CCNH: variants seen among roughly 807,000 people sequenced by gnomAD.
The protein encoded by CCNH is cyclin H.
In CCNH, 31 loss-of-function variants were observed where a neutral mutation model predicts 41.9. The ratio of observed to expected loss-of-function variants is 0.74; its 90% confidence interval spans 0.56 to 1.00. The LOEUF (loss-of-function observed/expected upper bound fraction) is 1.00. Ranked by LOEUF, CCNH falls within the 50% of genes least tolerant of loss-of-function variation. The probability of loss-of-function intolerance (pLI) is 0.00; values close to 1 mark genes in which losing one functional copy is unlikely to be tolerated. For synonymous variants in CCNH, 138 were observed against 136.1 expected (o/e 1.01, Z -0.10); for missense variants, 362 against 388.4 (o/e 0.93, Z 0.57).
At position 87,341,176 on chromosome 5, in the gene CCNH, A is replaced by AAAAGATTTTTATATAAAAAGATTTTT. The variant is rs1580306706; in HGVS notation, c.*91-22280_*91-22279insAAAAATCTTTTTATATAAAAATCTTT. 9.1e-6 allele frequency: 5 copies of AAAAGATTTTTATATAAAAAGATTTTT among 551,028 alleles called. No individual in the cohort carries two copies. The East Asian group carries it at 1.9e-4, about 21-fold the overall frequency. 34.1% of individuals were successfully genotyped at this position (551,028 alleles called of 1,614,324 possible). The stretch of plus-strand genomic sequence containing the variant: ...GAACAGAAACATCTTTTTTTATATA[A>AAAAGATTTTTATATAAAAAGATTTTT]ACATAAATAAGGATAGTGTGGGGAT... On this transcript the variant is annotated intron_variant and NMD_transcript_variant, in intron 9 of 9. Coordinates refer to the CCNH transcript ENST00000645953.
chr5:87,314,935 C>T (rs935415037), downstream of CCNH, among the ~76,000 whole-genome samples: 3 of 152,124 alleles, frequency 2.0e-5, no homozygotes, highest in South Asian at 2.1e-4. Context: ...AAGTGACACC[C>T]CCATCTTTAA....
rs1163892586 is a variant in CCNH, at chr5:87,366,163, T to C, written c.*90+26607A>G. ...ATTATATGTACAATACAAAAAGATA[T>C]GTGTCTTGACAGTTTATGGATTTAA... On this transcript the variant is annotated intron_variant and NMD_transcript_variant, in intron 9 of 9. Coordinates refer to the CCNH transcript ENST00000645953. Among the ~76,000 whole-genome samples the C allele has an allele frequency of 3.3e-5, 5 of 152,186 alleles. No homozygotes were observed. In the East Asian group the frequency reaches 7.7e-4, roughly 23 times the overall value.
Position 87,345,128 on chromosome 5 carries a change from G to A in CCNH, c.*91-26231C>T, listed in dbSNP as rs368943847. Among the ~76,000 whole-genome samples, 11 of 152,040 alleles carry A rather than the reference G, an allele frequency of 7.2e-5. No individual in the cohort carries two copies. In the East Asian group the frequency reaches 2.1e-3, roughly 30 times the overall value. On this transcript the variant is annotated intron_variant and NMD_transcript_variant, in intron 9 of 9. Coordinates refer to the CCNH transcript ENST00000645953. ...TACTGGGATTACAGGTGTGATCCCA[G>A]TTCCCACGCCTGGCCTAGGAGTAGG...
chr5:87,368,532 T>C (rs1299997971), intron 9 of CCNH, among the ~76,000 whole-genome samples: 2 of 152,176 alleles, frequency 1.3e-5, no homozygotes, highest in Admixed American at 6.6e-5. Context: ...ACTAATGTTA[T>C]TGCGTCCAGA....
At chr5:87,381,181 C>T (rs1761689795), upstream of CCNH, among the ~76,000 whole-genome samples, 1 of 152,166 alleles carries the variant, frequency 6.6e-6, no homozygotes, top group East Asian at 1.9e-4. Flanking sequence ...AAGGTTACTT[C>T]ATTATCATTA....
At position 87,409,629 on chromosome 5, in the gene CCNH, CGTGTGTGT is replaced by C. The variant is rs71610500; in HGVS notation, c.241-274_241-267del. ...CCTATGGTCACTGGATTTAAAAATA[CGTGTGTGT>C]GTGTGTGTGTGTGTGTGTGTGTGTG... On this transcript the variant is annotated intron_variant, in intron 2 of 8. Transcript: ENST00000256897. Among the ~76,000 whole-genome samples, 450 of 146,082 alleles carry C rather than the reference CGTGTGTGT, an allele frequency of 3.1e-3. 1 individual carries two copies. The highest frequency in any genetic ancestry group is 7.0e-3 in the Middle Eastern group (2 of 284).
At chr5:87,389,438 C>T (rs144692925), downstream of CCNH, 4 of 1,614,166 alleles carry the variant, frequency 2.5e-6, no homozygotes, top group Non-Finnish European at 3.4e-6. Context: ...TAGAACGGAC[C>T]TGTCCCGTGA....
chr5:87,390,199 G>C (rs1002178456), downstream of CCNH, among the ~76,000 whole-genome samples: 3 of 152,220 alleles, frequency 2.0e-5, no homozygotes, highest in East Asian at 1.9e-4. Flanking sequence ...AGAACAAAAT[G>C]AGTTACACTT....
downstream of CCNH, chr5:87,374,164 T>C: frequency 6.8e-7 from 1 of 1,472,170 alleles, no homozygotes. Flanking sequence ...TTTTTTTAGG[T>C]CAGCAGCCTT....
chr5:87,326,723 T>G (rs1580268613), intron 9 of CCNH, among the ~76,000 whole-genome samples: 1 of 152,168 alleles, frequency 6.6e-6, no homozygotes, highest in East Asian at 1.9e-4. Context: ...GGGGGCTCTT[T>G]GGGGGTTTCC....
intron 9 of CCNH, among the ~76,000 whole-genome samples, chr5:87,386,331 G>A (rs1475495262): frequency 2.0e-5 from 3 of 152,038 alleles, no homozygotes; most frequent in East Asian, 1.9e-4. Flanking sequence ...AGTTAACTAC[G>A]TGTATGGCCT....
chr5:87,369,015 G>T (rs1005379931), intron 9 of CCNH, among the ~76,000 whole-genome samples: 6 of 152,114 alleles, frequency 3.9e-5, no homozygotes, highest in Non-Finnish European at 7.4e-5. Context: ...CTCAAAGCAT[G>T]AAAATATAGT....
At chr5:87,394,041 A>G (rs3093860), downstream of CCNH, 1,662 of 158,192 alleles carry the variant, frequency 0.011, 14 homozygotes, top group South Asian at 0.023. Context: ...AAATAGCTAA[A>G]TATATCAGGA....
intron 3 of CCNH, among the ~76,000 whole-genome samples, chr5:87,408,642 G>A (rs898554091): frequency 9.2e-5 from 14 of 152,162 alleles, no homozygotes; most frequent in African/African-American, 1.9e-4. Context: ...ATCTGAATAA[G>A]GGACTATTAT....
chr5:87,398,903 G>A (rs1226096662), intron 7 of CCNH, among the ~76,000 whole-genome samples: 2 of 151,778 alleles, frequency 1.3e-5, no homozygotes, highest in African/African-American at 2.4e-5. Context: ...AACCTGGAAG[G>A]CAGAGCTTGC....
At chr5:87,384,118 C>G (rs1761912294) in intron 9 of CCNH, among the ~76,000 whole-genome samples, 2 of 152,040 alleles carry the variant, frequency 1.3e-5, no homozygotes, top group Admixed American at 1.3e-4. Flanking sequence ...TTTGCTTAGC[C>G]CATTGCTAGA....
downstream of CCNH, chr5:87,374,275 C>A (rs1460263090): frequency 6.2e-7 from 1 of 1,604,210 alleles, no homozygotes; most frequent in South Asian, 1.1e-5. Flanking sequence ...AAAACTCATG[C>A]AAGGGAAGGG....
chr5:87,342,891 C>A (rs1283694314), intron 9 of CCNH, among the ~76,000 whole-genome samples: 1 of 152,004 alleles, frequency 6.6e-6, no homozygotes, highest in Non-Finnish European at 1.5e-5. Context: ...AGGTTAAATG[C>A]TAGTAAACAT....
chr5:87,357,087 TC>T (rs1363529236), intron 9 of CCNH, among the ~76,000 whole-genome samples: 1 of 152,150 alleles, frequency 6.6e-6, no homozygotes, highest in African/African-American at 2.4e-5. Flanking sequence ...ATGTGCTCCT[TC>T]CTATCACCAT....
Sources: allele counts gnomAD v4.1 joint callset (sites outside exome capture counted in the v4.1 genomes callset), GRCh38; gene constraint gnomAD v4.1.1; transcripts MANE v1.5; gene names NCBI Gene and HGNC (gene_info 2026-07-23, HGNC 2026-07-21).